The following KDR variants were observed in gnomAD, a reference collection of about 807,000 sequenced individuals.
KDR encodes vascular endothelial growth factor receptor 2.
KDR carries 43 observed loss-of-function variants against 160.9 expected under a neutral mutation model. The observed-to-expected ratio is 0.27, with a 90% confidence interval of 0.21 to 0.34. The LOEUF (loss-of-function observed/expected upper bound fraction) is 0.34, where lower values mean the gene tolerates loss of function less well. KDR is among the 10% of genes least tolerant of loss of function. The pLI, the probability that KDR is intolerant of heterozygous loss-of-function variation, is 1.00. For synonymous variants in KDR, 617 were observed against 600.1 expected, an observed-to-expected ratio of 1.03 and a Z score of -0.41; for missense variants, 1,469 against 1,666.4, an observed-to-expected ratio of 0.88 and a Z score of 2.06.
chr4:55,105,486 C>T (rs1720426142), intron 12 of KDR, among the ~76,000 whole-genome samples: 1 of 152,176 alleles, frequency 6.6e-6, no homozygotes, highest in African/African-American at 2.4e-5. Context: ...AAAGCCCACC[C>T]TCATCAACTG....
intron 18 of KDR, 133 bp downstream of exon 18, chr4:55,097,529 G>C: frequency 3.0e-6 from 2 of 664,686 alleles, no homozygotes; most frequent in Admixed American, 2.2e-5. Context: ...ATTTGCACAA[G>C]GGCATTATTT....
intron 17 of KDR, 64 bp from the exon 18 acceptor site, chr4:55,097,830 G>A (rs886124941): frequency 2.9e-5 from 33 of 1,139,280 alleles, no homozygotes; most frequent in East Asian, 7.0e-5. Flanking sequence ...AAAGTGATAC[G>A]CAGAGACATC....
intron 5 of KDR, 36 bp downstream of exon 5, chr4:55,114,838 T>C (rs748599383): frequency 4.0e-6 from 6 of 1,517,504 alleles, no homozygotes; most frequent in Non-Finnish European, 4.6e-6. Context: ...TACAAGGATA[T>C]GTTATTAATG....
intron 21 of KDR, among the ~76,000 whole-genome samples, chr4:55,094,451 C>A (rs1289092223): frequency 6.6e-6 from 1 of 152,146 alleles, no homozygotes; most frequent in African/African-American, 2.4e-5. Context: ...CACTCTGGGG[C>A]TCTCCAAGGC....
intron 1 of KDR, among the ~76,000 whole-genome samples, chr4:55,124,848 G>C (rs1720989885): frequency 6.6e-6 from 1 of 152,120 alleles, no homozygotes; most frequent in Non-Finnish European, 1.5e-5. Context: ...AGGATGTTGC[G>C]CGCAGCCAGA....
intron 22 of KDR, among the ~76,000 whole-genome samples, chr4:55,090,978 C>T (rs1403415939): frequency 6.6e-6 from 1 of 151,404 alleles, no homozygotes; most frequent in Non-Finnish European, 1.5e-5. Context: ...CCTCTGCCTC[C>T]CAAGTAGTTG....
At chr4:55,094,506 A>G (rs1720100725) in intron 21 of KDR, among the ~76,000 whole-genome samples, 1 of 152,158 alleles carries the variant, frequency 6.6e-6, no homozygotes, top group African/African-American at 2.4e-5. Context: ...GGCCTCTCTC[A>G]CTAATAAATG....
rs371301781 is a variant in KDR at position 55,121,069 on chromosome 4, G to T, written c.161+28C>A. 49 of 1,475,094 alleles carry T rather than the reference G, an allele frequency of 3.3e-5. No homozygotes were observed. In the Admixed American group the frequency reaches 5.5e-4, roughly 17 times the overall value. The allele number at this position is 1,475,094 out of a possible 1,614,324, so 91.4% of individuals were successfully genotyped here. ...ATAAACAATCAGTTACTTAACACAA[G>T]AAATCTAGATCTAGAATGAATCCTT... is the stretch of plus-strand genomic sequence containing the variant. On this transcript the variant is annotated intron_variant, in intron 2 of 29. Coordinates refer to ENST00000263923, the MANE Select transcript of KDR (RefSeq NM_002253.4).
intron 25 of KDR, 119 bp from the exon 26 acceptor site, chr4:55,089,092 A>G (rs1037010144): frequency 8.9e-6 from 7 of 786,558 alleles, no homozygotes; most frequent in Non-Finnish European, 1.3e-5. Flanking sequence ...AAATAAGGAT[A>G]CAAAACTGTG....
At chr4:55,110,799 ACTTACTGT>A in intron 7 of KDR, 31 bp from the exon 8 acceptor site, 1 of 1,507,384 alleles carries the variant, frequency 6.6e-7, no homozygotes, top group Non-Finnish European at 9.2e-7. Flanking sequence ...AAAAAGGTCA[ACTTACTGT>A]AAATGGTCAT....
In KDR at chr4:55,094,814, C is replaced by T. The variant is rs780889750; in HGVS notation, c.2959G>A (p.Glu987Lys). Residue 987 changes from glutamate to lysine, a missense_variant, in exon 21 of 30, where the codon GAA (glutamate) becomes AAA (lysine). Around this residue, in one of 7 missense-constraint regions of KDR, gnomAD observed 151 missense variants for 207.2 expected, o/e 0.73. Coordinates refer to ENST00000263923, the MANE Select transcript of KDR (RefSeq NM_002253.4). Reference protein sequence around the residue: ...FVEEKSLSDVEEEEAPEDLYK... With the variant: ...FVEEKSLSDVKEEEAPEDLYK... ...CACTAGCCAGTACCTTCCTCTTCTT[C>T]TACATCACTGAGGGACTTCTCCTCC... The T allele has an allele frequency of 1.2e-6, 2 of 1,613,852 alleles. No homozygotes were observed. Among genetic ancestry groups the T allele is most frequent in the Non-Finnish European group, 1.7e-6 (2 of 1,179,866 alleles).
At position 55,101,412 on chromosome 4, in the gene KDR, G is replaced by A. The variant is rs116145824; in HGVS notation, c.2266+485C>T. Among the ~76,000 whole-genome samples, 550 of 152,306 alleles carry A rather than the reference G, an allele frequency of 3.6e-3. 3 individuals are homozygous for A. The highest frequency in any genetic ancestry group is 0.013 in the African/African-American group (526 of 41,578). On this transcript the variant is annotated intron_variant, in intron 15 of 29. Coordinates refer to ENST00000263923, the MANE Select transcript of KDR (RefSeq NM_002253.4). ...AGAATATTAAAAATCATCTGTCGTTGCCCTATTCAAAGTGAATGTGTGTCT... is the reference window on the plus strand; with the variant it reads ...AGAATATTAAAAATCATCTGTCGTTACCCTATTCAAAGTGAATGTGTGTCT...
Position 55,098,194 on chromosome 4 carries a change from C to T in KDR, c.2452G>A (p.Glu818Lys), listed in dbSNP as rs1720209769. The T allele has an allele frequency of 3.1e-6, 5 of 1,613,972 alleles. No homozygotes were observed. Among genetic ancestry groups the T allele is most frequent in the Non-Finnish European group, 4.2e-6 (5 of 1,179,896 alleles). ...PDELPLDEHC[E>K]RLPYDASKWE... ...TTGCTGGCATCATAAGGCAGTCGTT[C>T]ACAATGTTCATCCAATGGGAGTTCA... Residue 818 changes from glutamate (E) to lysine (K), a missense_variant, in exon 17 of 30, where the codon GAA becomes AAA. By Grantham distance (56) the Glu-to-Lys change is moderately conservative. Around this residue, in one of 7 missense-constraint regions of KDR, gnomAD observed 118 missense variants for 110.8 expected, o/e 1.06. Transcript: ENST00000263923.
chr4:55,111,175 C>T (rs1720573543), intron 7 of KDR, among the ~76,000 whole-genome samples: 1 of 152,310 alleles, frequency 6.6e-6, no homozygotes, highest in South Asian at 2.1e-4. Context: ...TTTATTTACA[C>T]CTTCCTCTAG....
At chr4:55,114,551 T>A (rs1720685018) in intron 5 of KDR, among the ~76,000 whole-genome samples, 1 of 152,176 alleles carries the variant, frequency 6.6e-6, no homozygotes, top group Non-Finnish European at 1.5e-5. Flanking sequence ...ATTGCTGAAG[T>A]TTCCATAAAA....
rs1289840554 is a variant in KDR, at chr4:55,113,293, C to T, written c.976+11G>A. 6.2e-7 allele frequency: 1 copy of T among 1,613,448 alleles called. No homozygotes were observed. ...TCAAGGCACAGAATAATTTCCAAGA[C>T]CATAGCTTACCATGGACCCTGACAA... On this transcript the variant is annotated intron_variant, in intron 7 of 29. Transcript: ENST00000263923.
intron 8 of KDR, 21 bp from the exon 9 acceptor site, chr4:55,110,587 G>C (rs1287338653): frequency 6.2e-6 from 10 of 1,613,202 alleles, no homozygotes; most frequent in Non-Finnish European, 8.5e-6. Flanking sequence ...AAATTCTCAG[G>C]AATTAGTATA....
chr4:55,112,641 G>T (rs1349950938), intron 7 of KDR, among the ~76,000 whole-genome samples: 1 of 149,990 alleles, frequency 6.7e-6, no homozygotes, highest in African/African-American at 2.5e-5. Flanking sequence ...CAATTCTCCT[G>T]CCTCAGCCTC....
In KDR at chr4:55,080,032, A is replaced by G. The variant is rs947602162; in HGVS notation, c.3980T>C (p.Leu1327Ser). 6.2e-7 allele frequency: 1 copy of G among 1,614,144 alleles called. No homozygotes were observed. Among genetic ancestry groups the G allele is most frequent in the Non-Finnish European group, 8.5e-7 (1 of 1,180,030 alleles). Residue 1327 changes from leucine to serine, a missense_variant, in exon 30 of 30, where the codon TTA becomes TCA. Leu to Ser is a moderately radical substitution (Grantham distance 145). Transcript: ENST00000263923. ...TTGCACTCCAATCTCTATCAGCTTTAAAAGTTCTGCTTCCTCACTGGAGTA... is the reference window on the plus strand; with the variant it reads ...TTGCACTCCAATCTCTATCAGCTTTGAAAGTTCTGCTTCCTCACTGGAGTA... ...TVYSSEEAEL[L>S]KLIEIGVQTG...
Sources: gnomAD v4.1 joint callset for allele counts (sites outside exome capture counted in the v4.1 genomes callset) on GRCh38, gnomAD v4.1.1 for gene constraint, gnomAD v4.1.1 regional missense constraint, MANE v1.5 for transcripts, NCBI Gene and HGNC (gene_info 2026-07-23, HGNC 2026-07-21) for gene names.